RPN1: variants seen among roughly 807,000 people sequenced by gnomAD.
RPN1 encodes the protein dolichyl-diphosphooligosaccharide--protein glycosyltransferase subunit 1.
In RPN1, 12 loss-of-function variants were observed where a neutral mutation model predicts 55.5. That is an observed-to-expected ratio of 0.22 (90% CI 0.14 to 0.35). The LOEUF (loss-of-function observed/expected upper bound fraction) is 0.35. Ranked by LOEUF, RPN1 falls within the 10% of genes least tolerant of loss-of-function variation. The pLI is 1.00. For missense variants in RPN1, 679 were observed against 761.3 expected (o/e 0.89, Z 1.27); for synonymous variants, 317 against 305.9 (o/e 1.04, Z -0.38).
intron 5 of RPN1, among the ~76,000 whole-genome samples, chr3:128,628,875 G>C (rs752803978): frequency 6.6e-6 from 1 of 151,924 alleles, no homozygotes; most frequent in Non-Finnish European, 1.5e-5. Context: ...TCAGCTACTC[G>C]GGAGGCTGAG....
chr3:128,630,208 C>G lies in RPN1; in HGVS notation c.844-65G>C. ...CCAGCTGAGAGGAAATGATCCTAAA[C>G]ACAGAAGACTTCCTGCACCAAGATC... On this transcript the variant is annotated intron_variant, in intron 4 of 9. Transcript: ENST00000296255. The G allele has an allele frequency of 2.8e-6, 3 of 1,085,962 alleles. No homozygotes were observed. The South Asian group carries it at 4.5e-5, about 16-fold the overall frequency. 67.3% of individuals were successfully genotyped at this position (1,085,962 alleles called of 1,614,324 possible).
In RPN1 at chr3:128,650,804, C is replaced by T. The variant is rs1175896293; in HGVS notation, c.-4G>A. ...AGCCGGCGGCTGGCGCCTCCATGAC[C>T]GGGAAGAGCAGTGCGCCAGGGCGGG... On this transcript the variant is annotated 5_prime_UTR_variant, in exon 1 of 10. Coordinates refer to ENST00000296255, the MANE Select transcript of RPN1 (RefSeq NM_002950.4). 3.3e-6 allele frequency: 5 copies of T among 1,519,382 alleles called. No homozygotes were observed. The African/African-American group carries it at 4.2e-5, about 13-fold the overall frequency. The allele number at this position is 1,519,382 out of a possible 1,614,324, so 94.1% of individuals were successfully genotyped here.
At position 128,620,206 on chromosome 3, in the gene RPN1, C is replaced by CT. The variant is rs113501658; in HGVS notation, c.*204dup. 0.017 allele frequency: 5,967 copies of CT among 358,172 alleles called. 42 individuals are homozygous for CT. Among genetic ancestry groups the CT allele is most frequent in the African/African-American group, 0.048 (2,184 of 45,420 alleles). The allele number at this position is 358,172 out of a possible 1,614,324, so 22.2% of individuals were successfully genotyped here. A position where few individuals can be genotyped will look rare whatever the true frequency, so the allele number is the denominator to read the frequency against. ...TTAATGGGAGTTTTTTTAAAGTTTT[C>CT]TTTTTTTAAAAAAAAAAAAAAAGAA... is the stretch of plus-strand genomic sequence containing the variant. On this transcript the variant is annotated 3_prime_UTR_variant, in exon 10 of 10. Transcript: ENST00000296255.
At chr3:128,621,521 G>A (rs1386536991) in intron 9 of RPN1, among the ~76,000 whole-genome samples, 1 of 152,156 alleles carries the variant, frequency 6.6e-6, no homozygotes, top group Admixed American at 6.6e-5. Flanking sequence ...AAAGTGGTAG[G>A]TGCTATGAGG....
At chr3:128,621,583 A>G (rs2069560016) in intron 9 of RPN1, among the ~76,000 whole-genome samples, 1 of 152,220 alleles carries the variant, frequency 6.6e-6, no homozygotes, top group African/African-American at 2.4e-5. Flanking sequence ...CAGGGGAGTC[A>G]GTGACTCTGA....
intron 2 of RPN1, among the ~76,000 whole-genome samples, chr3:128,640,301 T>A (rs557759431): frequency 6.6e-6 from 1 of 152,150 alleles, no homozygotes; most frequent in Admixed American, 6.6e-5. Flanking sequence ...TAGTGAAAAA[T>A]TGAATTAATA....
At chr3:128,640,483 C>G (rs1297034341) in intron 2 of RPN1, among the ~76,000 whole-genome samples, 3 of 152,206 alleles carry the variant, frequency 2.0e-5, no homozygotes, top group East Asian at 3.8e-4. Context: ...TCAGGACAGT[C>G]TTAACCAATT....
chr3:128,650,811 A>G lies in RPN1; in HGVS notation c.-11T>C, dbSNP rs1399263870. 2.0e-6 allele frequency: 3 copies of G among 1,508,252 alleles called. No individual in the cohort carries two copies. The highest frequency in any genetic ancestry group is 8.9e-7 in the Non-Finnish European group (1 of 1,126,422). 93.4% of individuals were successfully genotyped at this position (1,508,252 alleles called of 1,614,324 possible). On this transcript the variant is annotated 5_prime_UTR_variant, in exon 1 of 10. Coordinates refer to ENST00000296255, the MANE Select transcript of RPN1 (RefSeq NM_002950.4). ...GGCTGGCGCCTCCATGACCGGGAAG[A>G]GCAGTGCGCCAGGGCGGGTAGGGCC...
At chr3:128,633,400 G>A (rs2069655047) in intron 3 of RPN1, among the ~76,000 whole-genome samples, 1 of 151,786 alleles carries the variant, frequency 6.6e-6, no homozygotes, top group African/African-American at 2.4e-5. Flanking sequence ...CTAATTTTTT[G>A]TATTTTTTGT....
At chr3:128,638,524 G>A (rs191951842) in intron 2 of RPN1, among the ~76,000 whole-genome samples, 18 of 152,182 alleles carry the variant, frequency 1.2e-4, no homozygotes, top group Non-Finnish European at 1.8e-4. Flanking sequence ...CTGTCGCCCA[G>A]GCTGGAGTGC....
At position 128,640,170 on chromosome 3, in the gene RPN1, T is replaced by C. The variant is rs1253020733; in HGVS notation, c.327-2065A>G. Among the ~76,000 whole-genome samples the C allele has an allele frequency of 2.6e-5, 4 of 151,442 alleles. No homozygotes were observed. In the East Asian group the frequency reaches 7.8e-4, roughly 30 times the overall value. On this transcript the variant is annotated intron_variant, in intron 2 of 9. Transcript: ENST00000296255. Reference sequence around the variant, plus strand: ...CTGGGTGACGGAGCGAGAATCCATCTCAAAAAAGGAAAAAAAAGAAAAACA... The same window carrying C: ...CTGGGTGACGGAGCGAGAATCCATCCCAAAAAAGGAAAAAAAAGAAAAACA...
At chr3:128,624,325 A>C (rs1296031855) in intron 8 of RPN1, among the ~76,000 whole-genome samples, 2 of 152,028 alleles carry the variant, frequency 1.3e-5, no homozygotes, top group Non-Finnish European at 1.5e-5. Context: ...CTAAAAATAC[A>C]AAAAATTAGC....
At chr3:128,636,330 G>A (rs968703833) in intron 3 of RPN1, among the ~76,000 whole-genome samples, 3 of 151,948 alleles carry the variant, frequency 2.0e-5, no homozygotes, top group South Asian at 2.1e-4. Flanking sequence ...GTGTGGTAGC[G>A]GGCACCTGTA....
At position 128,620,347 on chromosome 3, in the gene RPN1, A is replaced by G; in HGVS notation, c.*64T>C. The G allele has an allele frequency of 6.7e-7, 1 of 1,503,250 alleles. No individual in the cohort carries two copies. The highest frequency in any genetic ancestry group is 1.3e-5 in the South Asian group (1 of 78,064). 93.1% of individuals were successfully genotyped at this position (1,503,250 alleles called of 1,614,324 possible). A position where few individuals can be genotyped will look rare whatever the true frequency, so the allele number is the denominator to read the frequency against. ...CCTCCATGCACAACCTCCCACTACC[A>G]CCCAATCTGCCTGCCACAGCAAAGT... On this transcript the variant is annotated 3_prime_UTR_variant, in exon 10 of 10. Coordinates refer to ENST00000296255, the MANE Select transcript of RPN1 (RefSeq NM_002950.4).
intron 2 of RPN1, chr3:128,644,448 A>G (rs1176919709): frequency 3.3e-6 from 1 of 306,406 alleles, no homozygotes; most frequent in African/African-American, 2.2e-5. Flanking sequence ...GTTCAAGACC[A>G]GCCTGGGTGA....
At chr3:128,629,814 A>G in intron 5 of RPN1, 137 bp downstream of exon 5, 1 of 572,974 alleles carries the variant, frequency 1.7e-6, no homozygotes, top group Non-Finnish European at 3.2e-6. Flanking sequence ...CCACTTATAA[A>G]AAGTTGTTCC....
chr3:128,641,721 G>C (rs946823553), intron 2 of RPN1, among the ~76,000 whole-genome samples: 5 of 148,084 alleles, frequency 3.4e-5, no homozygotes, highest in Admixed American at 7.0e-5. Context: ...TGGTTCTCCT[G>C]CCTCAGCCTC....
intron 9 of RPN1, 31 bp from the exon 10 acceptor site, chr3:128,620,624 T>C: frequency 6.2e-7 from 1 of 1,601,032 alleles, no homozygotes; most frequent in East Asian, 2.2e-5. Context: ...GCAGGACTTG[T>C]GAGCTGTCCT....
chr3:128,638,001 G>A lies in RPN1; in HGVS notation c.431C>T (p.Thr144Ile). The A allele has an allele frequency of 6.2e-7, 1 of 1,614,112 alleles. No homozygotes were observed. Among genetic ancestry groups the A allele is most frequent in the East Asian group, 2.2e-5 (1 of 44,882 alleles). Residue 144 changes from threonine (T) to isoleucine (I), a missense_variant, in exon 3 of 10, where the codon ACC (threonine) becomes ATC (isoleucine). Physicochemically the swap from Thr to Ile is moderately conservative, Grantham distance 89. Coordinates refer to ENST00000296255, the MANE Select transcript of RPN1 (RefSeq NM_002950.4). ...VYTHVLHPYP[T>I]QITQSEKQFV... ...CTGTTTCTCTGACTGGGTGATCTGGGTTGGATACGGATGAAGCACATGGGT... is the reference window on the plus strand; with the variant it reads ...CTGTTTCTCTGACTGGGTGATCTGGATTGGATACGGATGAAGCACATGGGT...
Sources: allele counts gnomAD v4.1 joint callset (sites outside exome capture counted in the v4.1 genomes callset), GRCh38; gene constraint gnomAD v4.1.1; transcripts MANE v1.5; gene names NCBI Gene and HGNC (gene_info 2026-07-23, HGNC 2026-07-21).